The following PTCH1 variants were observed in gnomAD, a reference collection of about 807,000 sequenced individuals.
The protein encoded by PTCH1 is protein patched homolog 1.
A neutral mutation model predicts 144.6 loss-of-function variants in PTCH1; 14 were observed. The observed-to-expected ratio is 0.10, with a 90% CI of 0.06 to 0.15. The LOEUF (loss-of-function observed/expected upper bound fraction) is 0.15, where lower values mean the gene tolerates loss of function less well. Ranked by LOEUF, PTCH1 falls within the 10% of genes least tolerant of loss-of-function variation. The pLI is 1.00. For synonymous variants in PTCH1, 833 were observed against 793.6 expected, an observed-to-expected ratio of 1.05 and a Z score of -0.83; for missense variants, 1,623 against 1,948.3, an observed-to-expected ratio of 0.83 and a Z score of 3.14.
In PTCH1 at chr9:95,503,928, A is replaced by G. The variant is rs569146737; in HGVS notation, c.394+2479T>C. ...CTACTCGGGAGGCTGAGGCAGGAGA[A>G]TGGCGTGAACCCAGGAAGTGGAGCT... On this transcript the variant is annotated intron_variant, in intron 2 of 23. Transcript: ENST00000331920. Among the ~76,000 whole-genome samples, 111 of 110,028 alleles carry G rather than the reference A, an allele frequency of 1.0e-3. 6 individuals are homozygous for G. The highest frequency in any genetic ancestry group is 4.2e-3 in the Middle Eastern group (1 of 240). 72.2% of individuals were successfully genotyped at this position (110,028 alleles called of 152,430 possible).
At position 95,508,871 on chromosome 9, in the gene PTCH1, G is replaced by A; in HGVS notation, c.-510C>T. On this transcript the variant is annotated 5_prime_UTR_variant, in exon 1 of 24. Transcript: ENST00000331920. ...TCGCCCGAGCGGCCGCGGAGGGCAA[G>A]CGCAGAGCCGCCGCCGCCGCGGGGT... The A allele has an allele frequency of 1.0e-6, 1 of 965,182 alleles. No individual in the cohort carries two copies. Among genetic ancestry groups the A allele is most frequent in the African/African-American group, 1.8e-5 (1 of 56,438 alleles). 59.8% of individuals were successfully genotyped at this position (965,182 alleles called of 1,614,324 possible).
chr9:95,444,407 G>C lies in PTCH1; in HGVS notation c.*1986C>G, dbSNP rs1837705807. 1 of 152,468 alleles carries C rather than the reference G, an allele frequency of 6.6e-6. No homozygotes were observed. Among genetic ancestry groups the C allele is most frequent in the South Asian group, 2.1e-4 (1 of 4,836 alleles). 9.4% of individuals were successfully genotyped at this position (152,468 alleles called of 1,614,324 possible). Reference sequence around the variant, plus strand: ...CTCCACGCAGGACGTTTTCTGAGCAGAGCTGGGTGTTAGGATGGCAGACCA... The same window carrying C: ...CTCCACGCAGGACGTTTTCTGAGCACAGCTGGGTGTTAGGATGGCAGACCA... On this transcript the variant is annotated 3_prime_UTR_variant, in exon 24 of 24. Coordinates refer to ENST00000331920, the MANE Select transcript of PTCH1 (RefSeq NM_000264.5).
intron 16 of PTCH1, among the ~76,000 whole-genome samples, chr9:95,460,329 C>G (rs1283355464): frequency 6.6e-6 from 1 of 152,190 alleles, no homozygotes; most frequent in Non-Finnish European, 1.5e-5. Context: ...CCTCAAGCCT[C>G]GCCAGGTGAT....
At chr9:95,510,999 C>T (rs1844125353), upstream of PTCH1, among the ~76,000 whole-genome samples, 1 of 149,890 alleles carries the variant, frequency 6.7e-6, no homozygotes, top group South Asian at 2.1e-4. Flanking sequence ...CGCGGACGGA[C>T]GTGCCGGACG....
chr9:95,481,638 G>A (rs181881192), intron 5 of PTCH1, among the ~76,000 whole-genome samples: 13 of 152,234 alleles, frequency 8.5e-5, no homozygotes, highest in South Asian at 2.1e-4. Context: ...CCTCGTCTTC[G>A]AAACTACGAA....
At chr9:95,459,467 A>G in intron 17 of PTCH1, 133 bp downstream of exon 17, 1 of 1,151,430 alleles carries the variant, frequency 8.7e-7, no homozygotes, top group Non-Finnish European at 1.3e-6. Flanking sequence ...GTTTTAAACG[A>G]GAAGAAATAG....
Position 95,508,253 on chromosome 9 carries a change from C to T in PTCH1, c.109G>A (p.Gly37Arg), listed in dbSNP as rs199976372. 1.2e-6 allele frequency: 2 copies of T among 1,600,902 alleles called. No individual in the cohort carries two copies. The highest frequency in any genetic ancestry group is 1.1e-5 in the South Asian group (1 of 90,122). ...GGCGCGGCAGCACGGCGCAGCCCCC[C>T]CGTCCGTCTGCGCCTCCCGCCTCCA... ...PAGGGRRRRT[G>R]GLRRAAAPDR... The change falls in exon 1 of 24, where the codon GGG (glycine) becomes AGG (arginine). Residue 37 changes from glycine (G) to arginine (R), a missense_variant. Physicochemically the swap from Gly to Arg is moderately radical, Grantham distance 125. This residue lies in a region of PTCH1 where 245 missense variants were observed against 240.6 expected (regional missense o/e 1.02). Transcript: ENST00000331920.
chr9:95,513,836 G>A (rs546793057), upstream of PTCH1, among the ~76,000 whole-genome samples: 3 of 152,186 alleles, frequency 2.0e-5, no homozygotes, highest in East Asian at 5.8e-4. Context: ...TCCCCAGGCT[G>A]GAGGAAAGGG....
In PTCH1 at chr9:95,469,898, C is replaced by T. The variant is rs1472804824; in HGVS notation, c.1762G>A (p.Val588Ile). The change falls in exon 13 of 24, where the codon GTT (valine) becomes ATT (isoleucine). Residue 588 changes from valine to isoleucine, a missense_variant. By Grantham distance (29) the Val-to-Ile change is conservative. This residue lies in a region of PTCH1 where 135 missense variants were observed against 228.7 expected (regional missense o/e 0.59). Transcript: ENST00000331920. ...AVVVVFNFAM[V>I]LLIFPAILSM... ...AGAATTGCAGGAAAAATGAGCAGAA[C>T]CATGGCAAAATTGAACACCACTACT... The T allele has an allele frequency of 6.2e-7, 1 of 1,613,982 alleles. No individual in the cohort carries two copies. Among genetic ancestry groups the T allele is most frequent in the Non-Finnish European group, 8.5e-7 (1 of 1,180,040 alleles).
At chr9:95,490,472 C>T (rs895982482) in intron 2 of PTCH1, among the ~76,000 whole-genome samples, 1 of 150,810 alleles carries the variant, frequency 6.6e-6, no homozygotes, top group Non-Finnish European at 1.5e-5. Context: ...TAGAATGAGA[C>T]CCCACTTCAA....
At chr9:95,490,489 A>G (rs1429013872) in intron 2 of PTCH1, among the ~76,000 whole-genome samples, 2 of 150,904 alleles carry the variant, frequency 1.3e-5, no homozygotes, top group Non-Finnish European at 2.9e-5. Context: ...TCAAAACAAA[A>G]CAAAACCCAG....
At chr9:95,463,924 G>A (rs1266712665) in intron 15 of PTCH1, among the ~76,000 whole-genome samples, 1 of 152,214 alleles carries the variant, frequency 6.6e-6, no homozygotes, top group African/African-American at 2.4e-5. Context: ...AGTAAGACAA[G>A]CAGGTTCAAC....
At chr9:95,494,136 G>A (rs932024095) in intron 2 of PTCH1, 16 of 912,300 alleles carry the variant, frequency 1.8e-5, no homozygotes, top group Non-Finnish European at 2.1e-5. Flanking sequence ...GCAGGCGCTC[G>A]CGCGGGGTTC....
intron 2 of PTCH1, among the ~76,000 whole-genome samples, chr9:95,504,555 T>C (rs1174923275): frequency 1.3e-5 from 2 of 152,134 alleles, no homozygotes; most frequent in Non-Finnish European, 2.9e-5. Flanking sequence ...GCCCTCCCTG[T>C]GCTCATGCCC....
In PTCH1 at chr9:95,508,832, C is replaced by G; in HGVS notation, c.-471G>C. 1 of 984,156 alleles carries G rather than the reference C, an allele frequency of 1.0e-6. No individual in the cohort carries two copies. Among genetic ancestry groups the G allele is most frequent in the Non-Finnish European group, 1.2e-6 (1 of 829,494 alleles). 61.0% of individuals were successfully genotyped at this position (984,156 alleles called of 1,614,324 possible). ...CTCCCGCCGGCCGCGCTGGCTCTCT[C>G]GGCGCCTCCCGGGTCGCCCGAGCGG... On this transcript the variant is annotated 5_prime_UTR_variant, in exon 1 of 24. Coordinates refer to ENST00000331920, the MANE Select transcript of PTCH1 (RefSeq NM_000264.5).
intron 12 of PTCH1, among the ~76,000 whole-genome samples, chr9:95,473,781 A>T (rs577756218): frequency 2.0e-5 from 3 of 152,192 alleles, no homozygotes; most frequent in African/African-American, 7.2e-5. Flanking sequence ...TGACCTCGTG[A>T]TCCACCCGTC....
At chr9:95,461,132 G>C (rs1282101024) in intron 16 of PTCH1, among the ~76,000 whole-genome samples, 1 of 152,098 alleles carries the variant, frequency 6.6e-6, no homozygotes, top group Non-Finnish European at 1.5e-5. Context: ...GCAATTGGAG[G>C]AGTCCAAAAC....
intron 16 of PTCH1, among the ~76,000 whole-genome samples, chr9:95,460,404 G>A (rs57605032): frequency 0.012 from 1,840 of 152,228 alleles, 36 homozygotes; most frequent in African/African-American, 0.042. Flanking sequence ...GTGCTCCCTC[G>A]GCAGGAGGGC....
chr9:95,449,271 G>T lies in PTCH1; in HGVS notation c.3602C>A (p.Pro1201His), dbSNP rs1838233041. The stretch of plus-strand genomic sequence containing the variant: ...CATGGCGAAGCGGACCACGCTGGGG[G>T]GTGGCTCAGGGGAGGGTGTGGGCAG... ...NRLPTPSPEP[P>H]PSVVRFAMPP... The change falls in exon 22 of 24, where the codon CCC becomes CAC. Residue 1201 changes from proline to histidine, a missense_variant. By Grantham distance (77) the Pro-to-His change is moderately conservative (BLOSUM62 -2). Transcript: ENST00000331920. The surrounding 1 kb of genome is among the most constrained non-coding windows in gnomAD (Gnocchi z 5.3). 1 of 1,562,902 alleles carries T rather than the reference G, an allele frequency of 6.4e-7. No homozygotes were observed. The highest frequency in any genetic ancestry group is 8.7e-7 in the Non-Finnish European group (1 of 1,153,476).
Sources: allele counts gnomAD v4.1 joint callset (sites outside exome capture counted in the v4.1 genomes callset), GRCh38; gene constraint gnomAD v4.1.1; regional missense constraint gnomAD v4.1.1; non-coding constraint Gnocchi (gnomAD v3.1); transcripts MANE v1.5; gene names NCBI Gene and HGNC (gene_info 2026-07-23, HGNC 2026-07-21).